RYR2: variants seen among roughly 807,000 people sequenced by gnomAD.
RYR2 encodes the protein ryanodine receptor 2, also known as cardiac muscle ryanodine receptor-calcium release channel.
Under a neutral mutation model 601.1 loss-of-function variants are expected in RYR2, and 227 were observed. That is an observed-to-expected ratio of 0.38 (90% CI 0.34 to 0.42). RYR2 has a LOEUF of 0.42. Ranked by LOEUF, RYR2 falls within the 10% of genes least tolerant of loss-of-function variation. The pLI, the probability that RYR2 is intolerant of heterozygous loss-of-function variation, is 1.00. For missense variants in RYR2, 4,646 were observed against 6,156.5 expected (o/e 0.75, Z 8.21); for synonymous variants, 2,223 against 2,175.1 (o/e 1.02, Z -0.61).
chr1:237,796,437 G>T (rs1384731202), intron 96 of RYR2, among the ~76,000 whole-genome samples: 5 of 152,090 alleles, frequency 3.3e-5, no homozygotes, highest in African/African-American at 1.2e-4. Context: ...GCTCAAATCA[G>T]CCCAGCCCAT....
At chr1:237,506,908 A>G (rs935855860) in intron 23 of RYR2, 94 bp downstream of exon 23, 10 of 1,024,262 alleles carry the variant, frequency 9.8e-6, no homozygotes, top group African/African-American at 4.8e-5. Flanking sequence ...GGTGACATCA[A>G]TCAGTTAGTT....
chr1:237,681,803 G>A (rs528766019), intron 62 of RYR2, among the ~76,000 whole-genome samples: 18 of 152,136 alleles, frequency 1.2e-4, no homozygotes, highest in Admixed American at 3.3e-4. Flanking sequence ...AGTACTCTGG[G>A]CCAGTATCCC....
chr1:237,287,073 T>A (rs1572480156), intron 2 of RYR2, among the ~76,000 whole-genome samples: 1 of 152,186 alleles, frequency 6.6e-6, no homozygotes, highest in African/African-American at 2.4e-5. Context: ...CTTTCCTTCA[T>A]ATATGATGCT....
chr1:237,329,366 G>A (rs914175383), intron 2 of RYR2, among the ~76,000 whole-genome samples: 2 of 152,008 alleles, frequency 1.3e-5, no homozygotes, highest in Admixed American at 6.6e-5. Flanking sequence ...TTAAGGCCTG[G>A]CGCGGTGGCT....
chr1:237,202,543 G>T (rs1201839495), intron 1 of RYR2, among the ~76,000 whole-genome samples: 1 of 152,092 alleles, frequency 6.6e-6, no homozygotes, highest in East Asian at 1.9e-4. Flanking sequence ...GAGTAGCTGG[G>T]ATTACAGGCA....
At chr1:237,697,855 G>A (rs2149019531) in intron 63 of RYR2, among the ~76,000 whole-genome samples, 1 of 152,166 alleles carries the variant, frequency 6.6e-6, no homozygotes, top group Admixed American at 6.5e-5. Context: ...GGAATTCTGA[G>A]ACTTGAAGCA....
In RYR2 at chr1:237,209,639, G is replaced by C. The variant is rs544228975; in HGVS notation, c.49-60858G>C. ...AGGCTGAGGCAGGCGGATCACTTGAGTTCAGGAGTTGGAGACCAGGCTGGG... is the reference window on the plus strand; with the variant it reads ...AGGCTGAGGCAGGCGGATCACTTGACTTCAGGAGTTGGAGACCAGGCTGGG... On this transcript the variant is annotated intron_variant, in intron 1 of 104. Transcript: ENST00000366574. 2.0e-5 allele frequency among the ~76,000 whole-genome samples: 3 copies of C among 152,094 alleles called. No homozygotes were observed. In the East Asian group the frequency reaches 5.8e-4, roughly 29 times the overall value.
At chr1:237,708,094 T>G (rs1688533286) in intron 68 of RYR2, among the ~76,000 whole-genome samples, 1 of 152,204 alleles carries the variant, frequency 6.6e-6, no homozygotes, top group Non-Finnish European at 1.5e-5. Context: ...TCTTTAAATG[T>G]TGAAGTTTCA....
intron 96 of RYR2, among the ~76,000 whole-genome samples, chr1:237,795,869 T>TATAC (rs1659114766): frequency 7.0e-6 from 1 of 143,774 alleles, no homozygotes; most frequent in South Asian, 2.1e-4. Context: ...TATATATATA[T>TATAC]ATATACACAT....
At chr1:237,495,060 A>G (rs923621582) in intron 19 of RYR2, among the ~76,000 whole-genome samples, 8 of 152,172 alleles carry the variant, frequency 5.3e-5, no homozygotes, top group Non-Finnish European at 1.0e-4. Flanking sequence ...AAGTGCTGGG[A>G]TTACAGGTGT....
chr1:237,434,984 C>T (rs538647949), intron 12 of RYR2, among the ~76,000 whole-genome samples: 4 of 152,250 alleles, frequency 2.6e-5, no homozygotes, highest in Non-Finnish European at 4.4e-5. Context: ...CCATGTTGCC[C>T]AGGCTGGTCT....
intron 3 of RYR2, among the ~76,000 whole-genome samples, chr1:237,347,727 A>G (rs1392568649): frequency 5.9e-5 from 9 of 152,286 alleles, no homozygotes; most frequent in African/African-American, 1.7e-4. Flanking sequence ...TTAGTCTATT[A>G]GTAGACTAAT....
At chr1:237,309,501 G>A (rs1452527296) in intron 2 of RYR2, among the ~76,000 whole-genome samples, 5 of 152,182 alleles carry the variant, frequency 3.3e-5, no homozygotes, top group African/African-American at 1.2e-4. Flanking sequence ...TGGTGTGTAT[G>A]CAATCCTCCA....
chr1:237,818,896 GA>G, intron 100 of RYR2, 139 bp from the exon 101 acceptor site: 1 of 699,352 alleles, frequency 1.4e-6, no homozygotes. Flanking sequence ...TAGAAATACT[GA>G]AACAAAAAGA....
chr1:237,399,702 C>T (rs532259954), intron 10 of RYR2, among the ~76,000 whole-genome samples: 13 of 152,184 alleles, frequency 8.5e-5, no homozygotes, highest in East Asian at 1.9e-4. Flanking sequence ...GGTTGGACCG[C>T]ACAATCTGAG....
intron 3 of RYR2, among the ~76,000 whole-genome samples, chr1:237,348,064 T>C (rs1349441384): frequency 6.6e-6 from 1 of 152,158 alleles, no homozygotes; most frequent in Non-Finnish European, 1.5e-5. Context: ...TAGGCAGAAT[T>C]TGAGGATACA....
Position 237,808,669 on chromosome 1 carries a change from CAAAATAAAAT to C in RYR2, c.14299-213_14299-204del, listed in dbSNP as rs878966941. On this transcript the variant is annotated intron_variant, in intron 99 of 104. Coordinates refer to ENST00000366574, the MANE Select transcript of RYR2 (RefSeq NM_001035.3). ...AACTCTGTCTCAAAAAAAAAAAAAA[CAAAATAAAAT>C]AAAATAAAATAAAATAAAGTCTGAC... Among the ~76,000 whole-genome samples the C allele has an allele frequency of 0.025, 3,471 of 139,204 alleles. 65 individuals carry two copies. Among genetic ancestry groups the C allele is most frequent in the South Asian group, 0.059 (261 of 4,444 alleles). 91.3% of individuals were successfully genotyped at this position (139,204 alleles called of 152,430 possible).
intron 2 of RYR2, among the ~76,000 whole-genome samples, chr1:237,313,043 A>T (rs58740045): frequency 0.087 from 13,243 of 152,204 alleles, 1,170 homozygotes; most frequent in African/African-American, 0.23. Context: ...ATTCAGTTGC[A>T]TAGCATTCAT....
At chr1:237,768,365 G>A (rs1694004839) in intron 84 of RYR2, among the ~76,000 whole-genome samples, 1 of 152,114 alleles carries the variant, frequency 6.6e-6, no homozygotes, top group African/African-American at 2.4e-5. Flanking sequence ...AGCCAGTGAC[G>A]TAGACAGGGT....
Sources: gnomAD v4.1 joint callset for allele counts (sites outside exome capture counted in the v4.1 genomes callset) on GRCh38, gnomAD v4.1.1 for gene constraint, MANE v1.5 for transcripts, NCBI Gene and HGNC (gene_info 2026-07-23, HGNC 2026-07-21) for gene names.